ACTR1A: variants seen among roughly 807,000 people sequenced by gnomAD.
The protein encoded by ACTR1A is actin related protein 1A, also known as alpha-centractin.
In ACTR1A, 10 loss-of-function variants were observed where a neutral mutation model predicts 50.7. The ratio of observed to expected loss-of-function variants is 0.20; its 90% CI spans 0.12 to 0.33. ACTR1A has a LOEUF of 0.33. Ranked by LOEUF, ACTR1A falls within the 10% of genes least tolerant of loss-of-function variation. The pLI, the probability that ACTR1A is intolerant of heterozygous loss-of-function variation, is 1.00. For missense variants in ACTR1A, 253 were observed against 491.7 expected, an observed-to-expected ratio of 0.51 and a Z score of 4.59; for synonymous variants, 177 against 184.2, an observed-to-expected ratio of 0.96 and a Z score of 0.32.
chr10:102,485,867 G>A (rs2062165843), intron 4 of ACTR1A, 134 bp from the exon 5 acceptor site: 1 of 1,274,540 alleles, frequency 7.8e-7, no homozygotes, highest in African/African-American at 1.5e-5. Flanking sequence ...AAAAAGGCAA[G>A]CTGTGCCTGT....
At chr10:102,481,319 G>T (rs944674880) in intron 9 of ACTR1A, 147 bp from the exon 10 acceptor site, 3 of 822,628 alleles carry the variant, frequency 3.6e-6, no homozygotes, top group Non-Finnish European at 5.4e-6. Context: ...TGGCCAGCCT[G>T]CCACTCATCT....
chr10:102,485,830 C>T (rs750572040), intron 4 of ACTR1A, 97 bp from the exon 5 acceptor site: 47 of 1,545,934 alleles, frequency 3.0e-5, no homozygotes, highest in African/African-American at 5.5e-5. Context: ...TTTGAGAGCC[C>T]GGGGACTTCA....
chr10:102,483,171 G>T, intron 6 of ACTR1A, 68 bp from the exon 7 acceptor site: 1 of 1,190,384 alleles, frequency 8.4e-7, no homozygotes, highest in Non-Finnish European at 1.3e-6. Context: ...AGGCCCAGGG[G>T]AGGAATGTGC....
chr10:102,481,694 G>T (rs1589958807), intron 9 of ACTR1A, 143 bp downstream of exon 9: 1 of 922,724 alleles, frequency 1.1e-6, no homozygotes, highest in East Asian at 2.4e-5. Context: ...CTCAGGGTCA[G>T]TGTACAGGCT....
Position 102,482,016 on chromosome 10 carries a change from A to G in ACTR1A, c.910T>C (p.Ser304Pro). Residue 304 changes from serine (S) to proline (P), a missense_variant, in exon 8 of 11, where the codon TCT becomes CCT. This residue lies in a region of ACTR1A where 27 missense variants were observed against 80.7 expected (regional missense o/e 0.33). Transcript: ENST00000369905. This position sits in a 1 kb window ranked among gnomAD's most constrained non-coding sequence, Gnocchi z 5.6. ...AGAGACAAACCTTTGAACAGGGTAG[A>G]GCCTCCTGAGAGGACAATGTTAGAG... is the stretch of plus-strand genomic sequence containing the variant. The part of the protein sequence containing the change: ...LFSNIVLSGG[S>P]TLFKGFGDRL... 6.2e-7 allele frequency: 1 copy of G among 1,614,204 alleles called. No individual in the cohort carries two copies. The highest frequency in any genetic ancestry group is 8.5e-7 in the Non-Finnish European group (1 of 1,180,044).
chr10:102,495,300 T>G (rs867873252), intron 1 of ACTR1A, among the ~76,000 whole-genome samples: 2 of 151,972 alleles, frequency 1.3e-5, no homozygotes, highest in Non-Finnish European at 1.5e-5. Context: ...CCAGGCGCAG[T>G]AGCTCACACC....
intron 2 of ACTR1A, 86 bp downstream of exon 2, chr10:102,490,463 C>T: frequency 9.0e-7 from 1 of 1,106,954 alleles, no homozygotes; most frequent in East Asian, 2.4e-5. Context: ...TTTGTTGACT[C>T]CAAACTCGGC....
intron 1 of ACTR1A, among the ~76,000 whole-genome samples, chr10:102,491,573 A>G (rs528582954): frequency 6.6e-6 from 1 of 152,284 alleles, no homozygotes; most frequent in East Asian, 1.9e-4. Context: ...CTACTCTGAG[A>G]ATAGAAGAGA....
chr10:102,481,026 C>T, intron 10 of ACTR1A, 61 bp from the exon 11 acceptor site: 3 of 1,580,596 alleles, frequency 1.9e-6, no homozygotes, highest in Non-Finnish European at 2.6e-6. Flanking sequence ...TGGAGCCTAC[C>T]AGTCCCCTGG....
In ACTR1A at chr10:102,479,627, A is replaced by G. The variant is rs542729359; in HGVS notation, c.*1236T>C. 7 of 1,289,246 alleles carry G rather than the reference A, an allele frequency of 5.4e-6. No homozygotes were observed. Among genetic ancestry groups the G allele is most frequent in the Admixed American group, 4.6e-5 (2 of 43,530 alleles). The allele number at this position is 1,289,246 out of a possible 1,614,324, so 79.9% of individuals were successfully genotyped here. A position where few individuals can be genotyped will look rare whatever the true frequency, so the allele number is the denominator to read the frequency against. On this transcript the variant is annotated 3_prime_UTR_variant, in exon 11 of 11. Coordinates refer to ENST00000369905, the MANE Select transcript of ACTR1A (RefSeq NM_005736.4). This position sits in a 1 kb window ranked among gnomAD's most constrained non-coding sequence, Gnocchi z 4.0. ...GTCTGGCCCACTCCCTCCTTAACCAAGCAGGTCCAAGGTCAAGAATGGCAC... is the reference window on the plus strand; with the variant it reads ...GTCTGGCCCACTCCCTCCTTAACCAGGCAGGTCCAAGGTCAAGAATGGCAC...
chr10:102,498,516 T>C (rs1353196229), intron 1 of ACTR1A, among the ~76,000 whole-genome samples: 1 of 152,202 alleles, frequency 6.6e-6, no homozygotes, highest in Non-Finnish European at 1.5e-5. Flanking sequence ...TTTTTTGTTT[T>C]TGTTTTTAAA....
rs566097093 is a variant in ACTR1A at position 102,488,927 on chromosome 10, G to A, written c.189+136C>T. On this transcript the variant is annotated intron_variant, in intron 3 of 10. Coordinates refer to ENST00000369905, the MANE Select transcript of ACTR1A (RefSeq NM_005736.4). This position sits in a 1 kb window ranked among gnomAD's most constrained non-coding sequence, Gnocchi z 4.4. Reference sequence around the variant, plus strand: ...TAAACCACCTAAGCCTAGGATGAGAGAATCAAAAAGGAGATTTTCAGAGAA... The same window carrying A: ...TAAACCACCTAAGCCTAGGATGAGAAAATCAAAAAGGAGATTTTCAGAGAA... 5 of 605,204 alleles carry A rather than the reference G, an allele frequency of 8.3e-6. No individual in the cohort carries two copies. In the South Asian group the frequency reaches 1.8e-4, roughly 21 times the overall value. The allele number at this position is 605,204 out of a possible 1,614,324, so 37.5% of individuals were successfully genotyped here.
At chr10:102,487,170 C>T (rs11598715) in intron 4 of ACTR1A, among the ~76,000 whole-genome samples, 2,756 of 152,220 alleles carry the variant, frequency 0.018, 29 homozygotes, top group Middle Eastern at 0.034. Context: ...AATCCCAGCA[C>T]TTTGAGAGGT....
intron 10 of ACTR1A, 35 bp downstream of exon 10, chr10:102,481,097 C>CCTGTT: frequency 6.2e-7 from 1 of 1,604,834 alleles, no homozygotes; most frequent in Non-Finnish European, 8.5e-7. Flanking sequence ...GCCATCACTT[C>CCTGTT]CTGTTCTGTT....
chr10:102,483,185 T>A, intron 6 of ACTR1A, 82 bp from the exon 7 acceptor site: 1 of 1,038,894 alleles, frequency 9.6e-7, no homozygotes, highest in Non-Finnish European at 1.5e-6. Context: ...AATGTGCTGC[T>A]GCACAAACCT....
intron 1 of ACTR1A, among the ~76,000 whole-genome samples, chr10:102,500,290 C>T (rs563717525): frequency 6.6e-6 from 1 of 152,224 alleles, no homozygotes; most frequent in African/African-American, 2.4e-5. Context: ...AAAAATTAGG[C>T]CGGGCGCGGT....
At position 102,479,566 on chromosome 10, in the gene ACTR1A, G is replaced by T. The variant is rs1376214370; in HGVS notation, c.*1297C>A. 3.1e-6 allele frequency: 4 copies of T among 1,270,364 alleles called. No homozygotes were observed. The African/African-American group carries it at 4.6e-5, about 15-fold the overall frequency. 78.7% of individuals were successfully genotyped at this position (1,270,364 alleles called of 1,614,324 possible). The stretch of plus-strand genomic sequence containing the variant: ...CTGAAGGCCTTTGGACCACTCCTAG[G>T]AGTCAGGCCTGGCTCCATTAGCTCC... On this transcript the variant is annotated 3_prime_UTR_variant, in exon 11 of 11. Transcript: ENST00000369905. The surrounding 1 kb of genome is among the most constrained non-coding windows in gnomAD (Gnocchi z 4.0).
intron 1 of ACTR1A, 49 bp from the exon 2 acceptor site, chr10:102,490,662 A>G: frequency 6.8e-7 from 1 of 1,474,216 alleles, no homozygotes; most frequent in Non-Finnish European, 9.5e-7. Flanking sequence ...CACAAATACA[A>G]AAGGAAAAAT....
chr10:102,481,108 C>A, intron 10 of ACTR1A, 24 bp downstream of exon 10: 1 of 1,606,552 alleles, frequency 6.2e-7, no homozygotes, highest in Non-Finnish European at 8.5e-7. Flanking sequence ...CTGTTCTGTT[C>A]TTACTCCTGG....
Sources: gnomAD v4.1 joint callset for allele counts (sites outside exome capture counted in the v4.1 genomes callset) on GRCh38, gnomAD v4.1.1 for gene constraint, gnomAD v4.1.1 regional missense constraint, Gnocchi (gnomAD v3.1) non-coding constraint, MANE v1.5 for transcripts, NCBI Gene and HGNC (gene_info 2026-07-23, HGNC 2026-07-21) for gene names.